Variants in FGGY observed in about 807,000 individuals in gnomAD.
FGGY encodes the protein FGGY carbohydrate kinase domain containing.
Under a neutral mutation model 71.3 loss-of-function variants are expected in FGGY, and 72 were observed. The ratio of observed to expected loss-of-function variants is 1.01; its 90% confidence interval spans 0.84 to 1.23. FGGY has a LOEUF of 1.23. FGGY is among the 50% of genes most tolerant of loss of function. The pLI, the probability that FGGY is intolerant of heterozygous loss-of-function variation, is 0.00. For missense variants in FGGY, 668 were observed against 682.3 expected (o/e 0.98, Z 0.23); for synonymous variants, 251 against 250.3 (o/e 1.00, Z -0.02).
chr1:59,306,219 T>C (rs1214240988), intron 1 of FGGY, among the ~76,000 whole-genome samples: 1 of 152,166 alleles, frequency 6.6e-6, no homozygotes, highest in Non-Finnish European at 1.5e-5. Flanking sequence ...ACTAGAATTT[T>C]TGAGGAAAAT....
upstream of FGGY, chr1:59,296,825 C>T (rs2042011041): frequency 6.6e-6 from 1 of 152,572 alleles, no homozygotes; most frequent in African/African-American, 2.4e-5. Flanking sequence ...CCCGGGACCG[C>T]CCTGCTCAGG....
chr1:59,614,193 T>A (rs1310586745), intron 9 of FGGY, among the ~76,000 whole-genome samples: 3 of 151,248 alleles, frequency 2.0e-5, no homozygotes, highest in Admixed American at 6.6e-5. Flanking sequence ...GAGACACAAC[T>A]AAAAAAGAGA....
chr1:59,758,937 T>C (rs1024702733), intron 15 of FGGY, among the ~76,000 whole-genome samples: 1 of 152,098 alleles, frequency 6.6e-6, no homozygotes, highest in African/African-American at 2.4e-5. Context: ...TCTGGTCAGA[T>C]GCAGATCAGA....
intron 2 of FGGY, among the ~76,000 whole-genome samples, chr1:59,324,832 G>A (rs2047093137): frequency 6.6e-6 from 1 of 152,198 alleles, no homozygotes; most frequent in Non-Finnish European, 1.5e-5. Flanking sequence ...GCATCATGAG[G>A]TTACCCAGGA....
At chr1:59,432,936 G>T (rs765897163) in intron 5 of FGGY, among the ~76,000 whole-genome samples, 5 of 152,178 alleles carry the variant, frequency 3.3e-5, no homozygotes, top group African/African-American at 9.7e-5. Flanking sequence ...TAGACTGTGG[G>T]TAGTTTTCAA....
At chr1:59,513,477 C>T (rs2094565217) in intron 7 of FGGY, among the ~76,000 whole-genome samples, 2 of 152,244 alleles carry the variant, frequency 1.3e-5, no homozygotes, top group African/African-American at 4.8e-5. Context: ...TGGCTAACTC[C>T]TCCTCTAACT....
chr1:59,689,654 G>A (rs1401969337), intron 14 of FGGY, among the ~76,000 whole-genome samples: 1 of 152,052 alleles, frequency 6.6e-6, no homozygotes, highest in South Asian at 2.1e-4. Flanking sequence ...AATAATAAAA[G>A]TTTATTACTT....
chr1:59,489,389 C>T (rs553493630), intron 6 of FGGY, among the ~76,000 whole-genome samples: 3 of 152,234 alleles, frequency 2.0e-5, no homozygotes, highest in South Asian at 4.1e-4. Flanking sequence ...CTACCATTCT[C>T]TGCCTCTAAT....
intron 7 of FGGY, among the ~76,000 whole-genome samples, chr1:59,537,104 T>C (rs2095338276): frequency 6.6e-6 from 1 of 151,216 alleles, no homozygotes; most frequent in South Asian, 2.1e-4. Flanking sequence ...AACCCCATTG[T>C]CTCAGCCCAA....
At chr1:59,521,716 C>T (rs1224846664) in intron 7 of FGGY, among the ~76,000 whole-genome samples, 1 of 152,182 alleles carries the variant, frequency 6.6e-6, no homozygotes. Flanking sequence ...CTTTCAGAGT[C>T]AAATTTAGAA....
intron 4 of FGGY, among the ~76,000 whole-genome samples, chr1:59,363,657 T>C (rs6657637): frequency 3.8e-4 from 58 of 152,160 alleles, no homozygotes; most frequent in African/African-American, 1.4e-3. Context: ...TCAGAACTGC[T>C]GTTGGACCAG....
At chr1:59,493,677 T>C (rs1444840649) in intron 6 of FGGY, among the ~76,000 whole-genome samples, 1 of 152,160 alleles carries the variant, frequency 6.6e-6, no homozygotes, top group Admixed American at 6.6e-5. Flanking sequence ...ATATAGAGTT[T>C]CAGTTTTGCA....
intron 5 of FGGY, among the ~76,000 whole-genome samples, chr1:59,422,073 A>T (rs1339296910): frequency 6.6e-6 from 1 of 152,224 alleles, no homozygotes; most frequent in Non-Finnish European, 1.5e-5. Context: ...ATCCCAAACT[A>T]GCCTCAGAAA....
intron 7 of FGGY, among the ~76,000 whole-genome samples, chr1:59,547,293 G>A (rs1233343126): frequency 6.6e-6 from 1 of 152,094 alleles, no homozygotes; most frequent in Non-Finnish European, 1.5e-5. Context: ...CTAGGCTTGA[G>A]GTTAACCCTT....
At chr1:59,379,808 T>G (rs1285324423) in intron 5 of FGGY, among the ~76,000 whole-genome samples, 1 of 152,200 alleles carries the variant, frequency 6.6e-6, no homozygotes, top group Non-Finnish European at 1.5e-5. Context: ...TTTTCTTTTT[T>G]TTTCATTATA....
chr1:59,552,812 C>A (rs997016547), intron 7 of FGGY, among the ~76,000 whole-genome samples: 1 of 152,202 alleles, frequency 6.6e-6, no homozygotes, highest in Non-Finnish European at 1.5e-5. Flanking sequence ...ATCCTTGCAT[C>A]CCCAAGCATT....
intron 14 of FGGY, among the ~76,000 whole-genome samples, chr1:59,691,261 A>G (rs1558811241): frequency 6.6e-6 from 1 of 152,236 alleles, no homozygotes; most frequent in Non-Finnish European, 1.5e-5. Flanking sequence ...ATTCAATAAT[A>G]AAGTAACTTC....
rs117782183 is a variant in FGGY, at chr1:59,325,058, A to G, written c.201+3308A>G. 9.7e-4 allele frequency among the ~76,000 whole-genome samples: 148 copies of G among 152,302 alleles called. 1 individual carries two copies. The East Asian group carries it at 0.024, about 25-fold the overall frequency. On this transcript the variant is annotated intron_variant, in intron 2 of 15. Coordinates refer to ENST00000303721, the MANE Select transcript of FGGY (RefSeq NM_018291.5). ...TCCTCACCTGCCCAACTCCCACCTTATAAAGTAAGCTTAGGCGGGGCGTGT... is the reference window on the plus strand; with the variant it reads ...TCCTCACCTGCCCAACTCCCACCTTGTAAAGTAAGCTTAGGCGGGGCGTGT...
chr1:59,680,158 A>C (rs895740429), intron 14 of FGGY, among the ~76,000 whole-genome samples: 1 of 151,524 alleles, frequency 6.6e-6, no homozygotes, highest in Non-Finnish European at 1.5e-5. Flanking sequence ...TTATAATCCT[A>C]CTTATTTCAC....
Sources: allele counts gnomAD v4.1 joint callset (sites outside exome capture counted in the v4.1 genomes callset), GRCh38; gene constraint gnomAD v4.1.1; transcripts MANE v1.5; gene names NCBI Gene and HGNC (gene_info 2026-07-23, HGNC 2026-07-21).